Variants in SLC35F1 observed in about 807,000 individuals in gnomAD.
The protein encoded by SLC35F1 is solute carrier family 35 member F1.
SLC35F1 carries 14 observed loss-of-function variants against 48.7 expected under a neutral mutation model. The ratio of observed to expected loss-of-function variants is 0.29; its 90% CI spans 0.19 to 0.45. The LOEUF (loss-of-function observed/expected upper bound fraction) is 0.45. SLC35F1 is among the 20% of genes least tolerant of loss of function. The probability of loss-of-function intolerance (pLI) is 1.00; values close to 1 mark genes in which losing one functional copy is unlikely to be tolerated. For synonymous variants in SLC35F1, 190 were observed against 202.2 expected, an observed-to-expected ratio of 0.94 and a Z score of 0.51; for missense variants, 404 against 500.0, an observed-to-expected ratio of 0.81 and a Z score of 1.83.
At chr6:118,247,749 GC>G (rs1161827122) in intron 3 of SLC35F1, among the ~76,000 whole-genome samples, 1 of 147,744 alleles carries the variant, frequency 6.8e-6, no homozygotes, top group African/African-American at 2.7e-5. Context: ...AAATTGCCTG[GC>G]ATATTTGGTG....
At chr6:118,150,225 G>GTA (rs1378843749) in intron 1 of SLC35F1, among the ~76,000 whole-genome samples, 1 of 152,116 alleles carries the variant, frequency 6.6e-6, no homozygotes, top group African/African-American at 2.4e-5. Flanking sequence ...TTGGCACATA[G>GTA]TAAGAACTTA....
intron 1 of SLC35F1, among the ~76,000 whole-genome samples, chr6:117,948,616 A>C (rs1776323362): frequency 6.6e-6 from 1 of 152,176 alleles, no homozygotes; most frequent in Non-Finnish European, 1.5e-5. Context: ...GTATCAAATA[A>C]AGAGCTCTGG....
chr6:118,273,243 C>T (rs78043954), intron 4 of SLC35F1, among the ~76,000 whole-genome samples: 6,079 of 152,118 alleles, frequency 0.04, 421 homozygotes, highest in African/African-American at 0.14. Context: ...AACAGTGTGG[C>T]GTTTGAAAAA....
intron 1 of SLC35F1, among the ~76,000 whole-genome samples, chr6:117,920,000 G>A (rs1047248878): frequency 1.3e-5 from 2 of 152,224 alleles, no homozygotes; most frequent in African/African-American, 4.8e-5. Context: ...GCGGCTCAGA[G>A]GGAAGGGACA....
At chr6:118,016,475 C>T (rs568641392) in intron 1 of SLC35F1, among the ~76,000 whole-genome samples, 5 of 152,278 alleles carry the variant, frequency 3.3e-5, no homozygotes, top group African/African-American at 1.2e-4. Context: ...CATATGAAAA[C>T]ATTTGTCATG....
At chr6:118,150,735 T>G (rs1430322796) in intron 1 of SLC35F1, among the ~76,000 whole-genome samples, 1 of 152,238 alleles carries the variant, frequency 6.6e-6, no homozygotes, top group Non-Finnish European at 1.5e-5. Context: ...AATGACCCAG[T>G]GATAGGATAA....
intron 1 of SLC35F1, among the ~76,000 whole-genome samples, chr6:118,123,063 G>A (rs1773576081): frequency 2.0e-5 from 3 of 152,174 alleles, no homozygotes; most frequent in South Asian, 2.1e-4. Context: ...GAGATGCTGA[G>A]TAGTTGGTAG....
intron 1 of SLC35F1, among the ~76,000 whole-genome samples, chr6:118,014,331 TG>T (rs904434722): frequency 6.6e-6 from 1 of 152,132 alleles, no homozygotes; most frequent in African/African-American, 2.4e-5. Flanking sequence ...TGGAGGCATT[TG>T]GGAGTAATTC....
chr6:118,000,774 C>G (rs1294971296), intron 1 of SLC35F1, among the ~76,000 whole-genome samples: 4 of 152,168 alleles, frequency 2.6e-5, no homozygotes, highest in African/African-American at 9.7e-5. Flanking sequence ...AATCAATGTA[C>G]AAAAATCACA....
chr6:118,050,606 A>T (rs1265763521), intron 1 of SLC35F1, among the ~76,000 whole-genome samples: 1 of 152,018 alleles, frequency 6.6e-6, no homozygotes, highest in East Asian at 1.9e-4. Context: ...GGCAGGGAGA[A>T]CAACACACTT....
intron 2 of SLC35F1, among the ~76,000 whole-genome samples, chr6:118,156,127 A>G (rs1774136495): frequency 2.0e-5 from 3 of 152,184 alleles, no homozygotes; most frequent in African/African-American, 2.4e-5. Flanking sequence ...TATTTTAAGA[A>G]TAAAATAGGC....
At chr6:118,187,514 G>A (rs75637806) in intron 2 of SLC35F1, among the ~76,000 whole-genome samples, 3,626 of 152,292 alleles carry the variant, frequency 0.024, 69 homozygotes, top group Middle Eastern at 0.065. Context: ...ATAATGGAAT[G>A]TACACTTTGC....
rs1221065585 is a variant in SLC35F1, at chr6:118,126,098, TGGTTA to T, written c.174-28346_174-28342del. On this transcript the variant is annotated intron_variant, in intron 1 of 7. Coordinates refer to ENST00000360388, the MANE Select transcript of SLC35F1 (RefSeq NM_001029858.4). ...TTACCTTGAGAAGCAGAATAGTCAG[TGGTTA>T]AGCCTTCAAAGATGACAGCCCCAGC... Among the ~76,000 whole-genome samples, 53 of 152,250 alleles carry T rather than the reference TGGTTA, an allele frequency of 3.5e-4. No homozygotes were observed. The East Asian group carries it at 9.5e-3, about 27-fold the overall frequency.
rs191665733 is a variant in SLC35F1 at position 118,285,720 on chromosome 6, T to A, written c.1002+382T>A. Among the ~76,000 whole-genome samples, 19 of 152,358 alleles carry A rather than the reference T, an allele frequency of 1.2e-4. No individual in the cohort carries two copies. In the East Asian group the frequency reaches 3.7e-3, roughly 29 times the overall value. ...TTCTGCGAAAGGCCTTGGCAGAGTA[T>A]GTTCTCTTTGGAGAAAAGACACAAT... is the stretch of plus-strand genomic sequence containing the variant. On this transcript the variant is annotated intron_variant, in intron 7 of 7. Transcript: ENST00000360388.
intron 2 of SLC35F1, among the ~76,000 whole-genome samples, chr6:118,213,264 GA>G (rs1775030701): frequency 6.6e-6 from 1 of 152,108 alleles, no homozygotes; most frequent in African/African-American, 2.4e-5. Flanking sequence ...GTCATTTAAG[GA>G]CTGTTTTTTC....
chr6:118,106,578 G>A (rs1773330496), intron 1 of SLC35F1, among the ~76,000 whole-genome samples: 1 of 152,140 alleles, frequency 6.6e-6, no homozygotes, highest in African/African-American at 2.4e-5. Context: ...TATCTAATAA[G>A]TCTTACTGGT....
chr6:118,082,782 C>A (rs1772930406), intron 1 of SLC35F1, among the ~76,000 whole-genome samples: 1 of 152,136 alleles, frequency 6.6e-6, no homozygotes, highest in Admixed American at 6.5e-5. Context: ...CAAGCCTATT[C>A]CCTTAAGCAA....
chr6:118,085,028 A>G (rs1772966249), intron 1 of SLC35F1, among the ~76,000 whole-genome samples: 1 of 152,116 alleles, frequency 6.6e-6, no homozygotes, highest in African/African-American at 2.4e-5. Flanking sequence ...GGTTGTAGGT[A>G]GCCTGGGTGG....
intron 1 of SLC35F1, among the ~76,000 whole-genome samples, chr6:118,135,708 G>A (rs1171537406): frequency 1.3e-5 from 2 of 152,232 alleles, no homozygotes; most frequent in Non-Finnish European, 2.9e-5. Context: ...GGAGGTTACA[G>A]CTTTAACAGC....
Sources: gnomAD v4.1 joint callset for allele counts (sites outside exome capture counted in the v4.1 genomes callset) on GRCh38, gnomAD v4.1.1 for gene constraint, MANE v1.5 for transcripts, NCBI Gene and HGNC (gene_info 2026-07-23, HGNC 2026-07-21) for gene names.